CMIP: variants seen among roughly 807,000 people sequenced by gnomAD.
CMIP encodes C-Maf-inducing protein.
Under a neutral mutation model 97.3 loss-of-function variants are expected in CMIP, and 13 were observed. The observed-to-expected ratio is 0.13, with a 90% confidence interval of 0.09 to 0.21. The LOEUF is 0.21. Among genes scored for constraint, CMIP ranks in the 10% least tolerant of loss-of-function variants. The pLI is 1.00. For synonymous variants in CMIP, 538 were observed against 436.3 expected (o/e 1.23, Z -2.91); for missense variants, 847 against 1,024.9 (o/e 0.83, Z 2.37).
intron 1 of CMIP, among the ~76,000 whole-genome samples, chr16:81,594,092 T>C: frequency 9.7e-6 from 1 of 103,022 alleles, no homozygotes; most frequent in South Asian, 4.6e-4. Context: ...CTCCTCCTCC[T>C]CTTCCTCCCC....
chr16:81,515,706 G>A (rs914350693), intron 1 of CMIP, among the ~76,000 whole-genome samples: 1 of 152,272 alleles, frequency 6.6e-6, no homozygotes, highest in African/African-American at 2.4e-5. Context: ...TGCCAGTCTG[G>A]GCCTGTTTGC....
chr16:81,690,999 A>C (rs554893366), intron 10 of CMIP, among the ~76,000 whole-genome samples: 42 of 152,238 alleles, frequency 2.8e-4, no homozygotes, highest in Non-Finnish European at 5.3e-4. Flanking sequence ...CCAAACTACA[A>C]ACAAACAGCT....
chr16:81,560,053 A>AGGAGAATCGCTTCAACTGGGGAGGC (rs2090846781), intron 1 of CMIP, among the ~76,000 whole-genome samples: 1 of 150,522 alleles, frequency 6.6e-6, no homozygotes, highest in Non-Finnish European at 1.5e-5. Context: ...GAGCCTGAGG[A>AGGAGAATCGCTTCAACTGGGGAGGC]AGGAGAATCG....
At chr16:81,601,866 C>G (rs572077188) in intron 1 of CMIP, among the ~76,000 whole-genome samples, 39 of 152,332 alleles carry the variant, frequency 2.6e-4, no homozygotes, top group African/African-American at 8.9e-4. Flanking sequence ...CTCCTTGCTT[C>G]TCACATGGCC....
At chr16:81,555,851 T>A (rs2090752191) in intron 1 of CMIP, among the ~76,000 whole-genome samples, 2 of 152,170 alleles carry the variant, frequency 1.3e-5, no homozygotes, top group African/African-American at 4.8e-5. Context: ...AAGTGATTTT[T>A]CTCCCTGAAC....
At chr16:81,496,335 A>G (rs114579640) in intron 1 of CMIP, among the ~76,000 whole-genome samples, 1,731 of 152,272 alleles carry the variant, frequency 0.011, 29 homozygotes, top group African/African-American at 0.04. Flanking sequence ...GACCCCCTTC[A>G]TGGGGGCGAT....
chr16:81,574,559 G>C (rs759684609), intron 1 of CMIP, among the ~76,000 whole-genome samples: 1 of 152,242 alleles, frequency 6.6e-6, no homozygotes, highest in Non-Finnish European at 1.5e-5. Context: ...GGACAAATTG[G>C]AAAATTCAGT....
At chr16:81,507,663 A>T (rs994309525) in intron 1 of CMIP, among the ~76,000 whole-genome samples, 1 of 152,146 alleles carries the variant, frequency 6.6e-6, no homozygotes, top group Non-Finnish European at 1.5e-5. Context: ...GTCATTGGAG[A>T]TATTATTTTG....
intron 1 of CMIP, among the ~76,000 whole-genome samples, chr16:81,595,246 G>A (rs559907557): frequency 2.6e-5 from 4 of 151,896 alleles, no homozygotes; most frequent in South Asian, 2.1e-4. Context: ...CCATTTCCCC[G>A]TCCCTGCCCT....
chr16:81,564,959 G>T (rs994197609), intron 1 of CMIP, among the ~76,000 whole-genome samples: 1 of 152,110 alleles, frequency 6.6e-6, no homozygotes. Context: ...ATGAACCTGT[G>T]GGGGGTGGGC....
At position 81,678,163 on chromosome 16, in the gene CMIP, G is replaced by A. The variant is rs950599474; in HGVS notation, c.1035-112G>A. The A allele has an allele frequency of 9.8e-6, 7 of 715,088 alleles. No homozygotes were observed. The African/African-American group carries it at 1.1e-4, about 11-fold the overall frequency. The allele number at this position is 715,088 out of a possible 1,614,324, so 44.3% of individuals were successfully genotyped here. On this transcript the variant is annotated intron_variant, in intron 9 of 20. Coordinates refer to ENST00000537098, the MANE Select transcript of CMIP (RefSeq NM_198390.3). Reference sequence around the variant, plus strand: ...CATTTGTAGCACAGGAATGATGATAGTATTACATTTTGGCCTCATCCTGGG... The same window carrying A: ...CATTTGTAGCACAGGAATGATGATAATATTACATTTTGGCCTCATCCTGGG...
chr16:81,699,818 G>A lies in CMIP; in HGVS notation c.1755+17G>A, dbSNP rs567351286. 6.4e-7 allele frequency: 1 copy of A among 1,554,250 alleles called. No homozygotes were observed. The highest frequency in any genetic ancestry group is 2.3e-5 in the East Asian group (1 of 44,172). On this transcript the variant is annotated intron_variant, in intron 15 of 20. Coordinates refer to ENST00000537098, the MANE Select transcript of CMIP (RefSeq NM_198390.3). ...ATGGTGGAGGTAAGGAGCTGGTCGG[G>A]GTCCCTGGTGGGGTGGCTGGCTCCC...
chr16:81,704,092 C>T lies in CMIP; in HGVS notation c.2091+7C>T, dbSNP rs376897846. ...GAACCTGTGGTCCACTCAGGTACGT[C>T]CTCCCGCCCTGCTGCAGTCCCCCAC... On this transcript the variant is annotated splice_region_variant and intron_variant, in intron 18 of 20. Coordinates refer to ENST00000537098, the MANE Select transcript of CMIP (RefSeq NM_198390.3). The T allele has an allele frequency of 3.7e-6, 6 of 1,600,612 alleles. No homozygotes were observed. In the African/African-American group the frequency reaches 5.4e-5, roughly 14 times the overall value.
chr16:81,507,362 A>G (rs1253521872), intron 1 of CMIP, among the ~76,000 whole-genome samples: 1 of 152,212 alleles, frequency 6.6e-6, no homozygotes, highest in East Asian at 1.9e-4. Flanking sequence ...TCAAACTGGG[A>G]TATGTGCAGC....
intron 1 of CMIP, among the ~76,000 whole-genome samples, chr16:81,506,261 C>G (rs2089707444): frequency 2.0e-5 from 3 of 152,140 alleles, no homozygotes; most frequent in Non-Finnish European, 4.4e-5. Flanking sequence ...ACACTCAGGA[C>G]CGTTCTGATC....
chr16:81,575,974 G>T (rs377135703), intron 1 of CMIP, among the ~76,000 whole-genome samples: 2 of 152,302 alleles, frequency 1.3e-5, no homozygotes, highest in South Asian at 2.1e-4. Flanking sequence ...CTTACTTAGT[G>T]CCTGGTTGCG....
chr16:81,678,880 C>T (rs1000866234), intron 10 of CMIP, among the ~76,000 whole-genome samples: 4 of 152,254 alleles, frequency 2.6e-5, no homozygotes, highest in African/African-American at 9.6e-5. Context: ...TATCTGTGAG[C>T]ATATGGTGTG....
intron 1 of CMIP, among the ~76,000 whole-genome samples, chr16:81,492,242 G>A (rs949573280): frequency 6.6e-6 from 1 of 152,096 alleles, no homozygotes; most frequent in African/African-American, 2.4e-5. Flanking sequence ...GGGTGCAAGC[G>A]TCCTTATTTT....
rs917373119 is a variant in CMIP, at chr16:81,704,715, CCCCCTCACCCTCCTCCCTG to C, written c.2091+641_2091+659del. Among the ~76,000 whole-genome samples, 6 of 108,778 alleles carry C rather than the reference CCCCCTCACCCTCCTCCCTG, an allele frequency of 5.5e-5. No individual in the cohort carries two copies. In the South Asian group the frequency reaches 9.2e-4, roughly 17 times the overall value. 71.4% of individuals were successfully genotyped at this position (108,778 alleles called of 152,430 possible). ...CCTGCCCCCGTCACCCTCCTCCCTG[CCCCCTCACCCTCCTCCCTG>C]CCCCTCACCCGCTTCCCTGCCTACA... On this transcript the variant is annotated intron_variant, in intron 18 of 20. Transcript: ENST00000537098.
Sources: allele counts gnomAD v4.1 joint callset (sites outside exome capture counted in the v4.1 genomes callset), GRCh38; gene constraint gnomAD v4.1.1; transcripts MANE v1.5; gene names NCBI Gene and HGNC (gene_info 2026-07-23, HGNC 2026-07-21).